HDAC4: variants seen among roughly 807,000 people sequenced by gnomAD.
The protein encoded by HDAC4 is histone deacetylase A.
HDAC4 carries 16 observed loss-of-function variants against 135.1 expected under a neutral mutation model. That is an observed-to-expected ratio of 0.12 (90% confidence interval 0.08 to 0.18). The LOEUF (loss-of-function observed/expected upper bound fraction) is 0.18, where lower values mean the gene tolerates loss of function less well. Ranked by LOEUF, HDAC4 falls within the 10% of genes least tolerant of loss-of-function variation. The probability of loss-of-function intolerance (pLI) is 1.00; values close to 1 mark genes in which losing one functional copy is unlikely to be tolerated. For synonymous variants in HDAC4, 685 were observed against 653.4 expected, an observed-to-expected ratio of 1.05 and a Z score of -0.74; for missense variants, 1,143 against 1,511.8, an observed-to-expected ratio of 0.76 and a Z score of 4.05.
intron 14 of HDAC4, 111 bp from the exon 15 acceptor site, chr2:239,108,294 C>A (rs189201862): frequency 6.1e-6 from 8 of 1,318,962 alleles, no homozygotes; most frequent in Non-Finnish European, 8.5e-6. Flanking sequence ...TAGAAGGAGA[C>A]GGAAGCTGGG....
chr2:239,335,921 G>A, intron 2 of HDAC4, among the ~76,000 whole-genome samples: 1 of 152,134 alleles, frequency 6.6e-6, no homozygotes, highest in East Asian at 1.9e-4. Flanking sequence ...TGAACCAATT[G>A]AAATATACAA....
intron 22 of HDAC4, among the ~76,000 whole-genome samples, chr2:239,074,483 T>C (rs9308908): frequency 0.29 from 43,403 of 152,250 alleles, 6,590 homozygotes; most frequent in African/African-American, 0.32. Flanking sequence ...TGGTGTGTGG[T>C]GTTGCCTCAA....
At chr2:239,398,104 G>A (rs906874028) in intron 1 of HDAC4, among the ~76,000 whole-genome samples, 7 of 152,122 alleles carry the variant, frequency 4.6e-5, no homozygotes, top group African/African-American at 1.4e-4. Context: ...TCTGAGCCTC[G>A]GAGGAAAGCC....
intron 1 of HDAC4, among the ~76,000 whole-genome samples, chr2:239,395,352 CTGTT>C (rs1307460819): frequency 6.6e-6 from 1 of 152,250 alleles, no homozygotes; most frequent in Middle Eastern, 3.4e-3. Context: ...ACCTGGGAGA[CTGTT>C]TGTAGGATGG....
intron 2 of HDAC4, among the ~76,000 whole-genome samples, chr2:239,246,850 G>C (rs899946266): frequency 1.3e-5 from 2 of 152,236 alleles, no homozygotes; most frequent in Admixed American, 6.5e-5. Context: ...GCTCCTGAGA[G>C]GATGTCCACT....
At chr2:239,338,053 G>A (rs1018559528) in intron 2 of HDAC4, among the ~76,000 whole-genome samples, 2 of 152,166 alleles carry the variant, frequency 1.3e-5, no homozygotes, top group Admixed American at 1.3e-4. Flanking sequence ...AGCCTTGAAG[G>A]TGAGGCTCAG....
chr2:239,298,116 A>G, intron 2 of HDAC4: 1 of 966,404 alleles, frequency 1.0e-6, no homozygotes, highest in Non-Finnish European at 1.4e-6. Context: ...AAAAAAAATT[A>G]ATGGACTAAA....
In HDAC4 at chr2:239,177,445, A is replaced by C. The variant is rs184038456; in HGVS notation, c.340-882T>G. On this transcript the variant is annotated intron_variant, in intron 4 of 26. Coordinates refer to ENST00000543185, the MANE Select transcript of HDAC4 (RefSeq NM_001378414.1). ...CCTAAAACAGAAAAAACTAACGCAC[A>C]AGGATGAAAATCAGAAGAAGGCTGC... Among the ~76,000 whole-genome samples the C allele has an allele frequency of 3.9e-5, 6 of 152,220 alleles. No individual in the cohort carries two copies. The East Asian group carries it at 1.2e-3, about 29-fold the overall frequency.
At position 239,176,490 on chromosome 2, in the gene HDAC4, C is replaced by T. The variant is rs925411961; in HGVS notation, c.413G>A (p.Arg138His). Residue 138 changes from arginine (R) to histidine (H), a missense_variant, in exon 5 of 27, where the codon CGC becomes CAC. This residue lies in a region of HDAC4 where 247 missense variants were observed against 310.0 expected (regional missense o/e 0.80). Coordinates refer to ENST00000543185, the MANE Select transcript of HDAC4 (RefSeq NM_001378414.1). ...CTGCTTCTCCAGCTCCTGCTCCTGG[C>T]GGTGCCTCTCCAGCTTCCGCTGGTG... The part of the protein sequence containing the change: ...LEHQRKLERH[R>H]QEQELEKQHR... The T allele has an allele frequency of 1.1e-5, 17 of 1,613,378 alleles. No individual in the cohort carries two copies. The highest frequency in any genetic ancestry group is 5.3e-5 in the African/African-American group (4 of 74,904).
At chr2:239,060,489 G>A (rs1455478544) in intron 24 of HDAC4, among the ~76,000 whole-genome samples, 1 of 152,254 alleles carries the variant, frequency 6.6e-6, no homozygotes, top group African/African-American at 2.4e-5. Flanking sequence ...CCAATAGGCA[G>A]ATGCGGGGCT....
chr2:239,191,043 C>T (rs1261529353), intron 3 of HDAC4: 2 of 459,280 alleles, frequency 4.4e-6, no homozygotes, highest in Non-Finnish European at 8.8e-6. Flanking sequence ...AGACACGCGA[C>T]TCTGCCGAAA....
At chr2:239,227,966 G>A (rs1458807643) in intron 3 of HDAC4, among the ~76,000 whole-genome samples, 1 of 152,176 alleles carries the variant, frequency 6.6e-6, no homozygotes, top group Non-Finnish European at 1.5e-5. Context: ...CCCTCCTGTT[G>A]TTATGCTTCC....
rs146057693 is a variant in HDAC4, at chr2:239,076,650, C to T, written c.2750+4445G>A. Among the ~76,000 whole-genome samples, 357 of 152,318 alleles carry T rather than the reference C, an allele frequency of 2.3e-3. 2 individuals carry two copies. Among genetic ancestry groups the T allele is most frequent in the African/African-American group, 7.7e-3 (321 of 41,572 alleles). On this transcript the variant is annotated intron_variant, in intron 22 of 26. Transcript: ENST00000543185. ...GTGGGAACTGGGCTCAGGGCTGGCA[C>T]GCCATGCTTGAGTTTCTGGCTGCCG...
rs1235745306 is a variant in HDAC4, at chr2:239,050,149, A to C, written c.*2948T>G. 1.3e-5 allele frequency: 2 copies of C among 152,606 alleles called. No homozygotes were observed. Among genetic ancestry groups the C allele is most frequent in the Non-Finnish European group, 2.9e-5 (2 of 68,052 alleles). The allele number at this position is 152,606 out of a possible 1,614,324, so 9.5% of individuals were successfully genotyped here. A position where few individuals can be genotyped will look rare whatever the true frequency, so the allele number is the denominator to read the frequency against. On this transcript the variant is annotated 3_prime_UTR_variant, in exon 27 of 27. Coordinates refer to ENST00000543185, the MANE Select transcript of HDAC4 (RefSeq NM_001378414.1). ...AAGGCTACACAGTAATGCTCTCAGC[A>C]CATTTGTGAAGCTGGAGTGAGCTGA... is the stretch of plus-strand genomic sequence containing the variant.
At chr2:239,359,990 G>A (rs1693754353) in intron 1 of HDAC4, among the ~76,000 whole-genome samples, 1 of 152,176 alleles carries the variant, frequency 6.6e-6, no homozygotes, top group Non-Finnish European at 1.5e-5. Context: ...CACCTGTTAG[G>A]AGTTCATGGT....
chr2:239,243,665 T>A (rs1211552369), intron 2 of HDAC4, among the ~76,000 whole-genome samples: 1 of 152,220 alleles, frequency 6.6e-6, no homozygotes, highest in Non-Finnish European at 1.5e-5. Context: ...CTCCCCATCC[T>A]TTCATATTTT....
intron 14 of HDAC4, among the ~76,000 whole-genome samples, chr2:239,109,728 C>T (rs911859762): frequency 5.9e-5 from 9 of 152,116 alleles, no homozygotes; most frequent in African/African-American, 1.9e-4. Context: ...AATGGCAACA[C>T]AGACACATAG....
chr2:239,370,843 C>T (rs1468184597), intron 1 of HDAC4, among the ~76,000 whole-genome samples: 1 of 152,198 alleles, frequency 6.6e-6, no homozygotes, highest in African/African-American at 2.4e-5. Flanking sequence ...ACTTTAAGAA[C>T]GTTCCTGGGA....
At chr2:239,257,137 C>T (rs770660336) in intron 2 of HDAC4, among the ~76,000 whole-genome samples, 3 of 151,978 alleles carry the variant, frequency 2.0e-5, no homozygotes, top group Non-Finnish European at 4.4e-5. Flanking sequence ...GCCTGATTTT[C>T]CATATATACT....
Sources: gnomAD v4.1 joint callset for allele counts (sites outside exome capture counted in the v4.1 genomes callset) on GRCh38, gnomAD v4.1.1 for gene constraint, gnomAD v4.1.1 regional missense constraint, MANE v1.5 for transcripts, NCBI Gene and HGNC (gene_info 2026-07-23, HGNC 2026-07-21) for gene names.